ESRRG: variants seen among roughly 807,000 people sequenced by gnomAD.
The protein encoded by ESRRG is estrogen related receptor gamma.
In ESRRG, 13 loss-of-function variants were observed where a neutral mutation model predicts 44.0. That is an observed-to-expected ratio of 0.30 (90% CI 0.19 to 0.47). The LOEUF is 0.47. ESRRG is among the 20% of genes least tolerant of loss of function. The pLI, the probability that ESRRG is intolerant of heterozygous loss-of-function variation, is 1.00. For synonymous variants in ESRRG, 215 were observed against 214.6 expected, an observed-to-expected ratio of 1.00 and a Z score of -0.02; for missense variants, 395 against 580.6, an observed-to-expected ratio of 0.68 and a Z score of 3.29.
chr1:216,947,893 C>T lies in ESRRG; in HGVS notation c.-105-8220G>A, dbSNP rs117192416. ...AGAGAGCAGAAGTGACAGGAGCCTC[C>T]CCATACTTGGTCCATAAAACCCTCC... On this transcript the variant is annotated intron_variant, in intron 1 of 7. Coordinates refer to the ESRRG transcript ENST00000359162. Among the ~76,000 whole-genome samples the T allele has an allele frequency of 7.9e-5, 12 of 152,110 alleles. No homozygotes were observed. The East Asian group carries it at 1.9e-3, about 25-fold the overall frequency.
intron 3 of ESRRG, among the ~76,000 whole-genome samples, chr1:216,616,045 C>T (rs1202412959): frequency 1.3e-5 from 2 of 152,092 alleles, no homozygotes; most frequent in Non-Finnish European, 2.9e-5. Flanking sequence ...GGGTGTCAGT[C>T]ATTTGCTTTC....
intron 5 of ESRRG, among the ~76,000 whole-genome samples, chr1:216,550,512 C>T (rs1011278284): frequency 6.6e-6 from 1 of 152,122 alleles, no homozygotes. Context: ...CCTGACTAAG[C>T]AGCCTTTACA....
At chr1:216,825,030 G>A (rs2095367015) in intron 2 of ESRRG, among the ~76,000 whole-genome samples, 1 of 152,164 alleles carries the variant, frequency 6.6e-6, no homozygotes, top group Non-Finnish European at 1.5e-5. Context: ...GCCTGTCCTT[G>A]AAGACTTGAT....
chr1:216,956,458 G>A (rs191123428), intron 1 of ESRRG, among the ~76,000 whole-genome samples: 50 of 152,154 alleles, frequency 3.3e-4, no homozygotes, highest in South Asian at 2.9e-3. Context: ...CTGTTCCATC[G>A]GTCTATGTGT....
intron 6 of ESRRG, among the ~76,000 whole-genome samples, chr1:216,516,769 C>T (rs1396714648): frequency 1.3e-5 from 2 of 151,632 alleles, no homozygotes; most frequent in Non-Finnish European, 2.9e-5. Flanking sequence ...GTTTAAAAAA[C>T]CTACATTGGA....
intron 2 of ESRRG, among the ~76,000 whole-genome samples, chr1:216,857,159 T>A (rs367562864): frequency 2.6e-5 from 4 of 152,212 alleles, no homozygotes; most frequent in African/African-American, 9.6e-5. Context: ...AACGACCCCC[T>A]TTTATCATGC....
intron 1 of ESRRG, among the ~76,000 whole-genome samples, chr1:217,011,391 G>A (rs78192321): frequency 1.5e-3 from 232 of 152,302 alleles, no homozygotes; most frequent in African/African-American, 5.2e-3. Context: ...GCCTTCCTTG[G>A]AGCTAGTCTG....
intron 1 of ESRRG, among the ~76,000 whole-genome samples, chr1:217,071,282 C>T (rs2090528423): frequency 6.6e-6 from 1 of 152,060 alleles, no homozygotes; most frequent in African/African-American, 2.4e-5. Flanking sequence ...CAAACAAAAA[C>T]ACCTTTCCCA....
intron 1 of ESRRG, among the ~76,000 whole-genome samples, chr1:217,106,209 T>C (rs2092593512): frequency 6.6e-6 from 1 of 152,190 alleles, no homozygotes; most frequent in South Asian, 2.1e-4. Context: ...GGAAACATTG[T>C]TTTTGTAAGT....
In ESRRG at chr1:216,753,175, T is replaced by TACACAC. The variant is rs145640833; in HGVS notation, c.-13-75690_-13-75685dup. On this transcript the variant is annotated intron_variant, in intron 2 of 7. Transcript: ENST00000359162. ...AAAGGACCATATATCTATATATTGA[T>TACACAC]ACACACACACACACACACACAGAGT... 6.3e-3 allele frequency among the ~76,000 whole-genome samples: 939 copies of TACACAC among 149,010 alleles called. 22 individuals are homozygous for TACACAC. Among genetic ancestry groups the TACACAC allele is most frequent in the East Asian group, 0.026 (130 of 5,002 alleles).
intron 5 of ESRRG, among the ~76,000 whole-genome samples, chr1:216,556,296 C>T (rs1311993801): frequency 6.6e-6 from 1 of 151,968 alleles, no homozygotes; most frequent in Non-Finnish European, 1.5e-5. Flanking sequence ...AGGTAAGTTT[C>T]AGGAAATTTC....
intron 2 of ESRRG, among the ~76,000 whole-genome samples, chr1:216,759,176 C>A (rs1203992523): frequency 6.6e-6 from 1 of 152,134 alleles, no homozygotes; most frequent in African/African-American, 2.4e-5. Context: ...TTTTGTACCT[C>A]TGCCAGATAA....
chr1:216,957,899 T>C (rs765714047), intron 1 of ESRRG, among the ~76,000 whole-genome samples: 2 of 152,164 alleles, frequency 1.3e-5, no homozygotes, highest in African/African-American at 4.8e-5. Flanking sequence ...TACAGGACAT[T>C]CCTATCATCC....
chr1:216,825,465 G>A (rs1259391860), intron 2 of ESRRG, among the ~76,000 whole-genome samples: 1 of 152,150 alleles, frequency 6.6e-6, no homozygotes, highest in Non-Finnish European at 1.5e-5. Flanking sequence ...ATATATCATC[G>A]TAAAAGAAAT....
chr1:216,957,945 G>A (rs2576227), intron 1 of ESRRG, among the ~76,000 whole-genome samples: 99,650 of 151,898 alleles, frequency 0.66, 35,780 homozygotes, highest in Non-Finnish European at 0.82. Context: ...CCACTCAATC[G>A]CCTCCCAGAG....
intron 3 of ESRRG, among the ~76,000 whole-genome samples, chr1:216,571,856 A>C (rs1247048635): frequency 6.6e-6 from 1 of 152,186 alleles, no homozygotes; most frequent in Non-Finnish European, 1.5e-5. Flanking sequence ...ACTCATAAAA[A>C]CAGATTACAT....
At chr1:216,530,022 A>G (rs6683442) in intron 5 of ESRRG, among the ~76,000 whole-genome samples, 51,870 of 150,158 alleles carry the variant, frequency 0.35, 9,098 homozygotes, top group Non-Finnish European at 0.36. Flanking sequence ...TGAGGCAGGA[A>G]AATCGCTTGA....
intron 2 of ESRRG, among the ~76,000 whole-genome samples, chr1:216,652,916 C>T (rs2069370822): frequency 6.6e-6 from 1 of 151,842 alleles, no homozygotes; most frequent in South Asian, 2.1e-4. Flanking sequence ...TAAAAAGAAA[C>T]AGGCCTTTGC....
intron 3 of ESRRG, among the ~76,000 whole-genome samples, chr1:216,629,417 G>A (rs952379885): frequency 3.9e-5 from 6 of 152,112 alleles, no homozygotes; most frequent in Admixed American, 3.3e-4. Context: ...ACACCACCCT[G>A]AGAAGCAAAT....
Sources: allele counts gnomAD v4.1 joint callset (sites outside exome capture counted in the v4.1 genomes callset), GRCh38; gene constraint gnomAD v4.1.1; transcripts MANE v1.5; gene names NCBI Gene and HGNC (gene_info 2026-07-23, HGNC 2026-07-21).